Variants in PTGR2 observed in about 807,000 individuals in gnomAD.
The protein encoded by PTGR2 is prostaglandin reductase 2, also known as 15-oxoprostaglandin 13-reductase.
In PTGR2, 32 loss-of-function variants were observed where a neutral mutation model predicts 43.4. The ratio of observed to expected loss-of-function variants is 0.74; its 90% CI spans 0.56 to 0.99. The LOEUF (loss-of-function observed/expected upper bound fraction) is 0.99. PTGR2 is among the 50% of genes least tolerant of loss of function. The pLI, the probability that PTGR2 is intolerant of heterozygous loss-of-function variation, is 0.00. For missense variants in PTGR2, 373 were observed against 420.0 expected, an observed-to-expected ratio of 0.89 and a Z score of 0.98; for synonymous variants, 106 against 139.2, an observed-to-expected ratio of 0.76 and a Z score of 1.68.
Position 73,882,402 on chromosome 14 carries a change from A to G in PTGR2, c.943A>G (p.Lys315Glu), listed in dbSNP as rs184275776. The G allele has an allele frequency of 7.7e-6, 12 of 1,566,480 alleles. No homozygotes were observed. The highest frequency in any genetic ancestry group is 3.3e-4 in the Middle Eastern group (2 of 5,972). The change falls in exon 9 of 10, where the codon AAA becomes GAA. Residue 315 changes from lysine to glutamate, a missense_variant. By Grantham distance (56) the Lys-to-Glu change is moderately conservative. Transcript: ENST00000555661. ...QWFKEGKLKIKETVINGLENM... is the reference protein window; with the variant it reads ...QWFKEGKLKIEETVINGLENM... ...ATCTAGCTATTTTGATTTACAGATT[A>G]AAGAGACGGTAATAAATGGGTTGGA...
At chr14:73,869,565 C>T (rs2054677134) in intron 3 of PTGR2, among the ~76,000 whole-genome samples, 1 of 145,782 alleles carries the variant, frequency 6.9e-6, no homozygotes. Flanking sequence ...CAGAGTGAGA[C>T]CGTGCCTCAA....
chr14:73,882,283 A>G (rs2055008154), intron 8 of PTGR2, 116 bp from the exon 9 acceptor site: 2 of 668,546 alleles, frequency 3.0e-6, no homozygotes, highest in Non-Finnish European at 5.3e-6. Flanking sequence ...GAAATAAAGA[A>G]TATCTATTTT....
Position 73,884,091 on chromosome 14 carries a change from C to T in PTGR2, c.980-10C>T. ...TATCTTTTCAGATAACCTACTTTCT[C>T]TTTTTCCAGCTGCATTCCAGTCCAT... On this transcript the variant is annotated splice_polypyrimidine_tract_variant and intron_variant, in intron 9 of 9. Transcript: ENST00000555661. The T allele has an allele frequency of 1.3e-6, 2 of 1,584,592 alleles. No individual in the cohort carries two copies. The highest frequency in any genetic ancestry group is 2.7e-5 in the African/African-American group (2 of 74,100).
At chr14:73,883,237 T>C (rs1755471697) in intron 9 of PTGR2, among the ~76,000 whole-genome samples, 1 of 133,624 alleles carries the variant, frequency 7.5e-6, no homozygotes. Context: ...ATGATCTTGC[T>C]CTGTTGCCCA....
chr14:73,873,935 A>G (rs1001406226), intron 3 of PTGR2, 88 bp from the exon 4 acceptor site: 5 of 949,338 alleles, frequency 5.3e-6, no homozygotes, highest in Non-Finnish European at 7.9e-6. Context: ...GCAATATATT[A>G]CTCATTATAT....
intron 4 of PTGR2, among the ~76,000 whole-genome samples, chr14:73,876,079 T>G (rs1162640195): frequency 6.6e-6 from 1 of 151,224 alleles, no homozygotes; most frequent in African/African-American, 2.4e-5. Flanking sequence ...TCAGCCTCCT[T>G]AAGTACTGGG....
intron 9 of PTGR2, among the ~76,000 whole-genome samples, chr14:73,883,172 C>G (rs2055036280): frequency 1.5e-5 from 2 of 132,228 alleles, no homozygotes; most frequent in Non-Finnish European, 3.2e-5. Flanking sequence ...CCCTGCCCTT[C>G]CCTCCCCTCA....
intron 3 of PTGR2, among the ~76,000 whole-genome samples, chr14:73,863,377 T>C (rs1437526457): frequency 6.6e-6 from 1 of 151,956 alleles, no homozygotes; most frequent in Non-Finnish European, 1.5e-5. Flanking sequence ...GGGGCAATCA[T>C]AGCTCACGGC....
chr14:73,861,888 T>G (rs1045980320), intron 3 of PTGR2, among the ~76,000 whole-genome samples: 1 of 152,040 alleles, frequency 6.6e-6, no homozygotes, highest in Non-Finnish European at 1.5e-5. Flanking sequence ...AGTGGCTTTT[T>G]TTTTTTTGGG....
chr14:73,867,380 A>G (rs2054627936), intron 3 of PTGR2, among the ~76,000 whole-genome samples: 1 of 152,102 alleles, frequency 6.6e-6, no homozygotes, highest in Admixed American at 6.6e-5. Context: ...ATAGATATGT[A>G]TGTATCCTGT....
Position 73,861,651 on chromosome 14 carries a change from G to A in PTGR2, c.156+994G>A, listed in dbSNP as rs117599595. ...CTCGAGAGGCTGATGTGGGCAGATC[G>A]TTTGAGCCTGGGAGGTTGAGGCTGC... On this transcript the variant is annotated intron_variant, in intron 3 of 9. Coordinates refer to ENST00000555661, the MANE Select transcript of PTGR2 (RefSeq NM_001146154.2). The A allele has an allele frequency of 3.8e-3, 571 of 152,230 alleles. 1 individual carries two copies. The highest frequency in any genetic ancestry group is 6.4e-3 in the Non-Finnish European group (434 of 68,068). The allele number at this position is 152,230 out of a possible 1,614,324, so 9.4% of individuals were successfully genotyped here. A position where few individuals can be genotyped will look rare whatever the true frequency, so the allele number is the denominator to read the frequency against.
chr14:73,872,261 A>G (rs887054429), intron 3 of PTGR2, among the ~76,000 whole-genome samples: 3 of 152,112 alleles, frequency 2.0e-5, no homozygotes, highest in Admixed American at 2.0e-4. Flanking sequence ...TGAAATAGGG[A>G]GCGTACTTGG....
chr14:73,874,231 C>T lies in PTGR2; in HGVS notation c.348+17C>T. On this transcript the variant is annotated intron_variant, in intron 4 of 9. Transcript: ENST00000555661. ...CTTGAAAAGGTGATATATATATGAA[C>T]ATATCTGATTTTTTTTCCCCGTATA... 6.5e-7 allele frequency: 1 copy of T among 1,547,118 alleles called. No individual in the cohort carries two copies. The highest frequency in any genetic ancestry group is 8.8e-7 in the Non-Finnish European group (1 of 1,138,256).
intron 3 of PTGR2, chr14:73,861,563 C>G (rs1159417928): frequency 1.3e-5 from 2 of 152,112 alleles, no homozygotes; most frequent in African/African-American, 2.4e-5. Flanking sequence ...GAGTGAGACC[C>G]AGTCTCAACA....
chr14:73,867,088 C>CAAAAAAA (rs200945001), intron 3 of PTGR2, among the ~76,000 whole-genome samples: 16 of 100,088 alleles, frequency 1.6e-4, no homozygotes, highest in East Asian at 3.3e-4. Flanking sequence ...GACTCTGTCT[C>CAAAAAAA]AAAAAAAAAA....
At chr14:73,868,639 C>T (rs1442205929) in intron 3 of PTGR2, among the ~76,000 whole-genome samples, 1 of 152,116 alleles carries the variant, frequency 6.6e-6, no homozygotes, top group African/African-American at 2.4e-5. Flanking sequence ...TGCCTTAAAT[C>T]ACCTCAGGGC....
intron 1 of PTGR2, among the ~76,000 whole-genome samples, chr14:73,857,144 G>A (rs1449072658): frequency 6.6e-6 from 1 of 151,684 alleles, no homozygotes; most frequent in African/African-American, 2.4e-5. Flanking sequence ...TTACTTATTG[G>A]CCATATTGTG....
At chr14:73,881,314 A>T in intron 8 of PTGR2, 22 bp downstream of exon 8, 3 of 1,365,884 alleles carry the variant, frequency 2.2e-6, no homozygotes, top group Non-Finnish European at 3.1e-6. Context: ...ATTCTTTATC[A>T]ATATAATTCT....
At position 73,880,038 on chromosome 14, in the gene PTGR2, T is replaced by A; in HGVS notation, c.730-17T>A. On this transcript the variant is annotated splice_polypyrimidine_tract_variant and intron_variant, in intron 6 of 9. Transcript: ENST00000555661. ...ACATAGGAAAGGGATATTTTATCAT[T>A]ATTTTTCTCTGTGCAGATGAATGAG... is the stretch of plus-strand genomic sequence containing the variant. 3.1e-6 allele frequency: 5 copies of A among 1,612,746 alleles called. No individual in the cohort carries two copies. The highest frequency in any genetic ancestry group is 4.2e-6 in the Non-Finnish European group (5 of 1,178,928).
Sources: gnomAD v4.1 joint callset for allele counts (sites outside exome capture counted in the v4.1 genomes callset) on GRCh38, gnomAD v4.1.1 for gene constraint, MANE v1.5 for transcripts, NCBI Gene and HGNC (gene_info 2026-07-23, HGNC 2026-07-21) for gene names.